GPATCH2: variants seen among roughly 807,000 people sequenced by gnomAD.
GPATCH2 encodes the protein G patch domain-containing protein 2.
A neutral mutation model predicts 58.0 loss-of-function variants in GPATCH2; 51 were observed. The ratio of observed to expected loss-of-function variants is 0.88; its 90% CI spans 0.70 to 1.11. GPATCH2 has a LOEUF of 1.11. GPATCH2 is among the 50% of genes most tolerant of loss of function. The probability of loss-of-function intolerance (pLI) is 0.00; values close to 1 mark genes in which losing one functional copy is unlikely to be tolerated. For missense variants in GPATCH2, 625 were observed against 652.2 expected (o/e 0.96, Z 0.45); for synonymous variants, 222 against 218.5 (o/e 1.02, Z -0.14).
chr1:217,590,145 C>G (rs1667524892), intron 5 of GPATCH2, among the ~76,000 whole-genome samples: 1 of 151,750 alleles, frequency 6.6e-6, no homozygotes, highest in Non-Finnish European at 1.5e-5. Flanking sequence ...CTCATCCTTC[C>G]TAGTAGCTGG....
At chr1:217,601,834 C>T (rs113071560) in intron 5 of GPATCH2, among the ~76,000 whole-genome samples, 2,763 of 152,234 alleles carry the variant, frequency 0.018, 90 homozygotes, top group African/African-American at 0.063. Flanking sequence ...CCAACCTCCA[C>T]CAGGTTTATT....
At chr1:217,477,404 G>A (rs1661015157) in intron 8 of GPATCH2, among the ~76,000 whole-genome samples, 1 of 152,128 alleles carries the variant, frequency 6.6e-6, no homozygotes, top group African/African-American at 2.4e-5. Context: ...GGGGCACGGA[G>A]CACCAAGTGG....
At chr1:217,437,045 T>C (rs934219014) in intron 9 of GPATCH2, among the ~76,000 whole-genome samples, 3 of 152,128 alleles carry the variant, frequency 2.0e-5, no homozygotes, top group African/African-American at 7.2e-5. Flanking sequence ...TTCATCTCAC[T>C]GGGACTGGTT....
In GPATCH2 at chr1:217,513,348, G is replaced by C. The variant is rs189558669; in HGVS notation, c.1166+1474C>G. 2.8e-4 allele frequency among the ~76,000 whole-genome samples: 43 copies of C among 151,914 alleles called. No homozygotes were observed. The East Asian group carries it at 7.4e-3, about 26-fold the overall frequency. On this transcript the variant is annotated intron_variant, in intron 6 of 9. Transcript: ENST00000366935. Reference sequence around the variant, plus strand: ...AACAATTCTATAGTCTATGCATCAAGCACTTTGAATGCATAGGCCACTATA... The same window carrying C: ...AACAATTCTATAGTCTATGCATCAACCACTTTGAATGCATAGGCCACTATA...
At chr1:217,612,138 C>T (rs1032484260) in intron 3 of GPATCH2, among the ~76,000 whole-genome samples, 1 of 151,850 alleles carries the variant, frequency 6.6e-6, no homozygotes, top group Non-Finnish European at 1.5e-5. Flanking sequence ...TATGATTGCA[C>T]CACCAGCCCT....
At chr1:217,506,397 T>C (rs1352424994) in intron 6 of GPATCH2, among the ~76,000 whole-genome samples, 1 of 152,140 alleles carries the variant, frequency 6.6e-6, no homozygotes, top group East Asian at 1.9e-4. Context: ...TAGAAATATA[T>C]GCCAAACTCC....
At chr1:217,491,552 AAAC>A in intron 8 of GPATCH2, 125 bp downstream of exon 8, 1 of 446,140 alleles carries the variant, frequency 2.2e-6, no homozygotes, top group Non-Finnish European at 4.1e-6. Flanking sequence ...AGATTCCAAT[AAAC>A]AATACATAAA....
At chr1:217,574,030 G>C (rs879610243) in intron 5 of GPATCH2, among the ~76,000 whole-genome samples, 3 of 152,084 alleles carry the variant, frequency 2.0e-5, no homozygotes, top group Non-Finnish European at 4.4e-5. Flanking sequence ...TTTTTAAAAA[G>C]AAAAGCAACG....
At chr1:217,576,371 T>A (rs1008539230) in intron 5 of GPATCH2, among the ~76,000 whole-genome samples, 12 of 152,162 alleles carry the variant, frequency 7.9e-5, no homozygotes, top group African/African-American at 2.7e-4. Flanking sequence ...ACAAAGTTTA[T>A]AACATCATAA....
intron 5 of GPATCH2, among the ~76,000 whole-genome samples, chr1:217,575,963 G>C (rs1292360970): frequency 1.3e-5 from 2 of 152,076 alleles, no homozygotes; most frequent in African/African-American, 2.4e-5. Context: ...GACACCGTGA[G>C]TGCAATGGGT....
intron 8 of GPATCH2, among the ~76,000 whole-genome samples, chr1:217,482,302 G>A (rs570270069): frequency 2.0e-5 from 3 of 152,246 alleles, no homozygotes; most frequent in South Asian, 4.1e-4. Flanking sequence ...ATGTATTCAC[G>A]AAGCTTAAAA....
At chr1:217,511,817 C>CTGTGTG (rs35836441) in intron 6 of GPATCH2, among the ~76,000 whole-genome samples, 24 of 149,040 alleles carry the variant, frequency 1.6e-4, no homozygotes, top group East Asian at 1.6e-3. Flanking sequence ...AACTGGAAGT[C>CTGTGTG]TGTGTGTGTG....
chr1:217,608,182 T>A, intron 5 of GPATCH2: 1 of 716,094 alleles, frequency 1.4e-6, no homozygotes, highest in Non-Finnish European at 1.7e-6. Flanking sequence ...AAATTGGAAC[T>A]CTTACCTTTC....
At position 217,473,571 on chromosome 1, in the gene GPATCH2, T is replaced by C. The variant is rs905926866; in HGVS notation, c.1277+18109A>G. On this transcript the variant is annotated intron_variant, in intron 8 of 9. Coordinates refer to ENST00000366935, the MANE Select transcript of GPATCH2 (RefSeq NM_018040.5). ...CCTGAGACATGCATAAAATATTAGA[T>C]AGATAAGAGGCAATAAAACTAAGAT... 2.6e-5 allele frequency among the ~76,000 whole-genome samples: 4 copies of C among 151,786 alleles called. No homozygotes were observed. In the East Asian group the frequency reaches 7.7e-4, roughly 29 times the overall value.
chr1:217,515,206 C>T (rs1663065966), intron 5 of GPATCH2, among the ~76,000 whole-genome samples: 1 of 151,942 alleles, frequency 6.6e-6, no homozygotes, highest in African/African-American at 2.4e-5. Context: ...CGCCATTCTC[C>T]TGTCTCAGCC....
chr1:217,502,293 T>G (rs1336526157), intron 6 of GPATCH2, among the ~76,000 whole-genome samples: 1 of 152,130 alleles, frequency 6.6e-6, no homozygotes, highest in African/African-American at 2.4e-5. Context: ...GCATTAAACC[T>G]AATTATCAAT....
chr1:217,538,231 A>G lies in GPATCH2; in HGVS notation c.1099-23342T>C, dbSNP rs556908247. Among the ~76,000 whole-genome samples the G allele has an allele frequency of 2.5e-3, 381 of 152,342 alleles. 2 individuals are homozygous for G. Among genetic ancestry groups the G allele is most frequent in the Non-Finnish European group, 3.8e-3 (260 of 68,026 alleles). ...AGTTCTAATGATGTGACTCACATACATGAAGCAGGTTCATGACAAGTTAGC... is the reference window on the plus strand; with the variant it reads ...AGTTCTAATGATGTGACTCACATACGTGAAGCAGGTTCATGACAAGTTAGC... On this transcript the variant is annotated intron_variant, in intron 5 of 9. Transcript: ENST00000366935.
At chr1:217,473,058 C>T (rs1032596159) in intron 8 of GPATCH2, among the ~76,000 whole-genome samples, 1 of 152,162 alleles carries the variant, frequency 6.6e-6, no homozygotes, top group East Asian at 1.9e-4. Context: ...GGCAGCTTTC[C>T]TGAGCCTTGG....
At chr1:217,511,947 G>A (rs1232543206) in intron 6 of GPATCH2, among the ~76,000 whole-genome samples, 2 of 152,074 alleles carry the variant, frequency 1.3e-5, no homozygotes, top group African/African-American at 4.8e-5. Flanking sequence ...GTCTGTAAGG[G>A]ACCTCCCCCA....
Sources: allele counts gnomAD v4.1 joint callset (sites outside exome capture counted in the v4.1 genomes callset), GRCh38; gene constraint gnomAD v4.1.1; transcripts MANE v1.5; gene names NCBI Gene and HGNC (gene_info 2026-07-23, HGNC 2026-07-21).